The following UGGT1 variants were observed in gnomAD, a reference collection of about 807,000 sequenced individuals.
UGGT1 encodes the protein UDP-glucose glycoprotein glucosyltransferase 1.
Under a neutral mutation model 203.9 loss-of-function variants are expected in UGGT1, and 107 were observed. That is an observed-to-expected ratio of 0.52 (90% CI 0.45 to 0.62). UGGT1 has a LOEUF of 0.62. Ranked by LOEUF, UGGT1 falls within the 20% of genes least tolerant of loss-of-function variation. The probability of loss-of-function intolerance (pLI) is 0.00; values close to 1 mark genes in which losing one functional copy is unlikely to be tolerated. For synonymous variants in UGGT1, 628 were observed against 653.5 expected, an observed-to-expected ratio of 0.96 and a Z score of 0.59; for missense variants, 1,673 against 1,867.2, an observed-to-expected ratio of 0.90 and a Z score of 1.92.
chr2:128,105,861 A>C (rs1687583886), intron 3 of UGGT1, among the ~76,000 whole-genome samples: 1 of 134,748 alleles, frequency 7.4e-6, no homozygotes, highest in Non-Finnish European at 1.6e-5. Flanking sequence ...GCTGGAGTGC[A>C]GTGGTGTAGT....
Position 128,129,668 on chromosome 2 carries a change from C to T in UGGT1, c.1377+489C>T, listed in dbSNP as rs748138001. ...CCCACCTCTGCCTCCCAAAGTGCTG[C>T]GATTATAGGCGTGAACCAGTGCGCC... is the stretch of plus-strand genomic sequence containing the variant. On this transcript the variant is annotated intron_variant, in intron 13 of 40. Transcript: ENST00000259253. Among the ~76,000 whole-genome samples, 73 of 151,866 alleles carry T rather than the reference C, an allele frequency of 4.8e-4. 1 individual carries two copies. The highest frequency in any genetic ancestry group is 1.0e-3 in the Non-Finnish European group (70 of 67,960).
chr2:128,141,839 A>G (rs1303458032), intron 16 of UGGT1, among the ~76,000 whole-genome samples: 1 of 151,810 alleles, frequency 6.6e-6, no homozygotes, highest in Non-Finnish European at 1.5e-5. Flanking sequence ...AATAAATAAT[A>G]CTGGAGTCAA....
chr2:128,117,546 C>T (rs369868003), intron 8 of UGGT1, among the ~76,000 whole-genome samples: 24 of 137,500 alleles, frequency 1.7e-4, no homozygotes, highest in Non-Finnish European at 3.1e-4. Context: ...AACTGTTATT[C>T]TTTTTTTTTT....
chr2:128,145,509 CA>C (rs972110395), intron 17 of UGGT1: 6 of 128,096 alleles, frequency 4.7e-5, no homozygotes, highest in African/African-American at 1.9e-4. Flanking sequence ...CAAACACACA[CA>C]CACACACACA....
intron 22 of UGGT1, among the ~76,000 whole-genome samples, chr2:128,157,844 C>G (rs1484168178): frequency 6.6e-6 from 1 of 152,158 alleles, no homozygotes; most frequent in African/African-American, 2.4e-5. Flanking sequence ...GTGGCAATGG[C>G]AGGTGGTTGG....
intron 1 of UGGT1, chr2:128,091,694 G>A (rs1686873220): frequency 1.1e-6 from 1 of 928,710 alleles, no homozygotes; most frequent in Non-Finnish European, 1.5e-6. Flanking sequence ...AAGGAAATGG[G>A]GGAGGTATCC....
In UGGT1 at chr2:128,116,256, C is replaced by T. The variant is rs1300025910; in HGVS notation, c.794-9C>T. 2 of 1,562,768 alleles carry T rather than the reference C, an allele frequency of 1.3e-6. No homozygotes were observed. The highest frequency in any genetic ancestry group is 1.8e-6 in the Non-Finnish European group (2 of 1,136,778). ...TTATTAATAATATGTATTTTCTATT[C>T]TTTCATAGGAACTGAGGTAAACACC... On this transcript the variant is annotated splice_polypyrimidine_tract_variant and intron_variant, in intron 7 of 40. Coordinates refer to ENST00000259253, the MANE Select transcript of UGGT1 (RefSeq NM_020120.4).
intron 26 of UGGT1, among the ~76,000 whole-genome samples, chr2:128,169,333 T>C (rs1415930033): frequency 1.3e-5 from 2 of 152,130 alleles, no homozygotes; most frequent in Non-Finnish European, 2.9e-5. Context: ...ATCACGCCAC[T>C]GCACTCCAGC....
chr2:128,096,472 T>G (rs1241123613), intron 1 of UGGT1, among the ~76,000 whole-genome samples: 2 of 152,206 alleles, frequency 1.3e-5, no homozygotes, highest in African/African-American at 4.8e-5. Flanking sequence ...CTTCTGGTAG[T>G]TTCAGGCATT....
intron 9 of UGGT1, 81 bp downstream of exon 9, chr2:128,120,537 T>G (rs1242029838): frequency 8.6e-6 from 9 of 1,051,996 alleles, no homozygotes; most frequent in Non-Finnish European, 1.3e-5. Context: ...TTGAATTTAA[T>G]TGTATGTAGT....
chr2:128,166,772 G>A (rs139245074), intron 26 of UGGT1, among the ~76,000 whole-genome samples: 1 of 152,274 alleles, frequency 6.6e-6, no homozygotes, highest in Non-Finnish European at 1.5e-5. Context: ...GCTGTAGCTG[G>A]CAAGTATATA....
At position 128,145,965 on chromosome 2, in the gene UGGT1, TTGG is replaced by T. The variant is rs1558792143; in HGVS notation, c.2016+1_2016+3del. ...CACCTTCTTCCAAAGAGCGGTGTACTTGGTGAGTCACGTTTCAAGGCTGATTTT... is the reference window on the plus strand; with the variant it reads ...CACCTTCTTCCAAAGAGCGGTGTACTTGAGTCACGTTTCAAGGCTGATTTT... On this transcript the variant is annotated splice_donor_variant and coding_sequence_variant, in exon 18 of 41. Transcript: ENST00000259253. LOFTEE classifies it high-confidence loss of function. The T allele has an allele frequency of 6.2e-7, 1 of 1,613,860 alleles. No homozygotes were observed. The highest frequency in any genetic ancestry group is 8.5e-7 in the Non-Finnish European group (1 of 1,179,934).
At chr2:128,122,533 TAAA>T (rs67124308) in intron 10 of UGGT1, among the ~76,000 whole-genome samples, 1 of 137,156 alleles carries the variant, frequency 7.3e-6, no homozygotes, top group African/African-American at 2.7e-5. Context: ...AAACTCCGTC[TAAA>T]AAAAAAAAAA....
chr2:128,100,012 T>C (rs1687292098), intron 2 of UGGT1, among the ~76,000 whole-genome samples: 1 of 78,516 alleles, frequency 1.3e-5, no homozygotes, highest in Non-Finnish European at 2.7e-5. Flanking sequence ...GTCATTGAGA[T>C]TTACAACCCC....
intron 18 of UGGT1, among the ~76,000 whole-genome samples, chr2:128,151,975 C>CT (rs1163156171): frequency 6.6e-6 from 1 of 152,156 alleles, no homozygotes; most frequent in Non-Finnish European, 1.5e-5. Flanking sequence ...ACACATGGCT[C>CT]TGAGATCACC....
At chr2:128,122,530 G>A (rs1013464159) in intron 10 of UGGT1, among the ~76,000 whole-genome samples, 16 of 143,344 alleles carry the variant, frequency 1.1e-4, no homozygotes, top group Admixed American at 6.9e-4. Flanking sequence ...ACGAAACTCC[G>A]TCTAAAAAAA....
chr2:128,103,577 C>T (rs948346544), intron 2 of UGGT1, among the ~76,000 whole-genome samples: 1 of 152,082 alleles, frequency 6.6e-6, no homozygotes, highest in African/African-American at 2.4e-5. Context: ...AGAACTAGTA[C>T]TAGAATCATC....
At chr2:128,174,625 T>A in intron 30 of UGGT1, 148 bp from the exon 31 acceptor site, 1 of 702,612 alleles carries the variant, frequency 1.4e-6, no homozygotes, top group Non-Finnish European at 2.4e-6. Flanking sequence ...TAATGTGTAG[T>A]TTTGGTTTTT....
intron 1 of UGGT1, among the ~76,000 whole-genome samples, chr2:128,095,395 T>C (rs1456722848): frequency 6.2e-5 from 9 of 145,330 alleles, no homozygotes; most frequent in African/African-American, 2.4e-4. Flanking sequence ...CTTCCCCTTC[T>C]CCTTCCCCTT....
Sources: gnomAD v4.1 joint callset for allele counts (sites outside exome capture counted in the v4.1 genomes callset) on GRCh38, gnomAD v4.1.1 for gene constraint, MANE v1.5 for transcripts, NCBI Gene and HGNC (gene_info 2026-07-23, HGNC 2026-07-21) for gene names.